Variants in PHF14 observed in about 807,000 individuals in gnomAD.
PHF14 encodes PHD finger protein 14.
In PHF14, 55 loss-of-function variants were observed where a neutral mutation model predicts 117.9. The observed-to-expected ratio is 0.47, with a 90% CI of 0.38 to 0.58. PHF14 has a LOEUF of 0.58. PHF14 is among the 20% of genes least tolerant of loss of function. The pLI, the probability that PHF14 is intolerant of heterozygous loss-of-function variation, is 0.00. For missense variants in PHF14, 978 were observed against 1,122.2 expected (o/e 0.87, Z 1.84); for synonymous variants, 409 against 368.6 (o/e 1.11, Z -1.26).
chr7:11,105,287 T>C, intron 16 of PHF14: 1 of 950,140 alleles, frequency 1.1e-6, no homozygotes, highest in Non-Finnish European at 1.3e-6. Context: ...TTTATATTTA[T>C]GATGTTAAAA....
intron 16 of PHF14, chr7:11,106,408 T>C (rs1308616003): frequency 1.5e-5 from 14 of 959,768 alleles, no homozygotes; most frequent in African/African-American, 1.8e-5. Context: ...TTAAAAACCA[T>C]TTTCTAATTA....
chr7:11,113,703 G>A (rs1027606295), intron 17 of PHF14, among the ~76,000 whole-genome samples: 2 of 152,126 alleles, frequency 1.3e-5, no homozygotes, highest in African/African-American at 4.8e-5. Flanking sequence ...TGCTGCATCA[G>A]TGGTTTTTCT....
intron 16 of PHF14, chr7:11,105,466 A>G (rs191793976): frequency 6.0e-4 from 585 of 976,282 alleles, no homozygotes; most frequent in Admixed American, 1.9e-3. Flanking sequence ...CTATTTCACC[A>G]AAATTTATTC....
At chr7:11,163,592 A>C (rs1789114809) in intron 17 of PHF14, among the ~76,000 whole-genome samples, 1 of 152,202 alleles carries the variant, frequency 6.6e-6, no homozygotes, top group Non-Finnish European at 1.5e-5. Context: ...GTTTATTACT[A>C]TGAGGTAAAT....
chr7:11,120,067 G>A (rs545209638), intron 17 of PHF14, among the ~76,000 whole-genome samples: 2 of 151,818 alleles, frequency 1.3e-5, no homozygotes, highest in Non-Finnish European at 1.5e-5. Flanking sequence ...CCAAAAAATT[G>A]CCATTAAATT....
At chr7:10,996,627 C>G (rs1418480987) in intron 4 of PHF14, among the ~76,000 whole-genome samples, 3 of 152,006 alleles carry the variant, frequency 2.0e-5, no homozygotes. Flanking sequence ...ATGTTTATAT[C>G]ACATGATTCA....
At chr7:10,983,985 AGTT>A (rs540941073) in intron 3 of PHF14, among the ~76,000 whole-genome samples, 4 of 152,148 alleles carry the variant, frequency 2.6e-5, no homozygotes, top group Admixed American at 2.6e-4. Flanking sequence ...AGAAAGATTG[AGTT>A]GTTGTCTTAC....
intron 4 of PHF14, among the ~76,000 whole-genome samples, chr7:10,992,434 G>A (rs1219359028): frequency 4.6e-5 from 7 of 151,256 alleles, no homozygotes; most frequent in African/African-American, 1.5e-4. Flanking sequence ...AGGCCGAGGC[G>A]GGCGGATCAC....
chr7:11,094,369 A>T (rs1278876897), intron 16 of PHF14, among the ~76,000 whole-genome samples: 1 of 152,142 alleles, frequency 6.6e-6, no homozygotes, highest in Non-Finnish European at 1.5e-5. Context: ...TGCCTTTTCT[A>T]GCACTAGAGT....
chr7:11,000,117 A>G (rs527526536), intron 4 of PHF14, among the ~76,000 whole-genome samples: 27 of 152,260 alleles, frequency 1.8e-4, no homozygotes, highest in African/African-American at 6.3e-4. Flanking sequence ...AATTCTGTGA[A>G]CTTTATATAT....
At chr7:11,099,768 A>G (rs946597972) in intron 16 of PHF14, among the ~76,000 whole-genome samples, 4 of 152,064 alleles carry the variant, frequency 2.6e-5, no homozygotes, top group African/African-American at 7.2e-5. Context: ...TTCTTAAGTT[A>G]TGTAACTTTT....
chr7:11,070,548 T>C (rs1785582206), intron 16 of PHF14, among the ~76,000 whole-genome samples: 1 of 152,370 alleles, frequency 6.6e-6, no homozygotes, highest in Non-Finnish European at 1.5e-5. Flanking sequence ...CATATTTTCT[T>C]CTTCCTTCTA....
At chr7:11,151,509 T>C (rs796168863) in intron 17 of PHF14, among the ~76,000 whole-genome samples, 56 of 152,270 alleles carry the variant, frequency 3.7e-4, no homozygotes, top group African/African-American at 1.2e-3. Flanking sequence ...AAGTGAGCCA[T>C]GATCACACCA....
At chr7:11,095,213 A>G (rs922899288) in intron 16 of PHF14, among the ~76,000 whole-genome samples, 1 of 152,182 alleles carries the variant, frequency 6.6e-6, no homozygotes, top group Non-Finnish European at 1.5e-5. Context: ...TATTTTATAC[A>G]CTTATTTAAT....
At chr7:11,069,026 A>T (rs1304567824) in intron 16 of PHF14, among the ~76,000 whole-genome samples, 1 of 152,192 alleles carries the variant, frequency 6.6e-6, no homozygotes, top group Non-Finnish European at 1.5e-5. Flanking sequence ...GTTAGAGTTT[A>T]GAGCTGCCAG....
At chr7:10,987,759 T>C (rs1380629731) in intron 3 of PHF14, among the ~76,000 whole-genome samples, 1 of 152,128 alleles carries the variant, frequency 6.6e-6, no homozygotes, top group Non-Finnish European at 1.5e-5. Context: ...CCTTGAAAGA[T>C]GATATACGTC....
At chr7:11,025,008 ATATT>A (rs1399772460) in intron 6 of PHF14, among the ~76,000 whole-genome samples, 1 of 152,238 alleles carries the variant, frequency 6.6e-6, no homozygotes, top group Non-Finnish European at 1.5e-5. Context: ...GTCATTAAGA[ATATT>A]TATGATTCAT....
rs1189414441 is a variant in PHF14, at chr7:11,040,685, C to T, written c.2090C>T (p.Pro697Leu). The T allele has an allele frequency of 6.5e-7, 1 of 1,544,876 alleles. No homozygotes were observed. The highest frequency in any genetic ancestry group is 1.2e-5 in the South Asian group (1 of 81,534). Residue 697 changes from proline (P) to leucine (L), a missense_variant, in exon 12 of 18, where the codon CCG becomes CTG. Transcript: ENST00000634607. ...TCAAATCAATAGAAGTTGAATATAC[C>T]GGCAATTTTGCGAGCACCCAAGGAG... Reference protein sequence around the residue: ...GRITGQKLNIPAILRAPKERK... With the variant: ...GRITGQKLNILAILRAPKERK...
In PHF14 at chr7:11,040,716, AC is replaced by A; in HGVS notation, c.2123del (p.Pro708GlnfsTer101). 1 of 1,571,178 alleles carries A rather than the reference AC, an allele frequency of 6.4e-7. No individual in the cohort carries two copies. The highest frequency in any genetic ancestry group is 1.2e-5 in the South Asian group (1 of 84,826). ...TTTTGCGAGCACCCAAGGAGAGAAA[AC>A]CAAGTAAAAAAGAAGGAGGCACACA... ...AILRAPKERKPSKKEGGTQKT... is the reference protein window; with the variant it reads ...AILRAPKERKXSKKEGGTQKT... On this transcript the variant is annotated frameshift_variant, in exon 12 of 18. Transcript: ENST00000634607. LOFTEE classifies it high-confidence loss of function.
Sources: allele counts gnomAD v4.1 joint callset (sites outside exome capture counted in the v4.1 genomes callset), GRCh38; gene constraint gnomAD v4.1.1; transcripts MANE v1.5; gene names NCBI Gene and HGNC (gene_info 2026-07-23, HGNC 2026-07-21).